The following ADAMTS13 variants were observed in gnomAD, a reference collection of about 807,000 sequenced individuals.
ADAMTS13 encodes A disintegrin and metalloproteinase with thrombospondin motifs 13.
A neutral mutation model predicts 155.1 loss-of-function variants in ADAMTS13; 110 were observed. The ratio of observed to expected loss-of-function variants is 0.71; its 90% CI spans 0.61 to 0.83. ADAMTS13 has a LOEUF of 0.83. ADAMTS13 is among the 40% of genes least tolerant of loss of function. ADAMTS13 has a pLI of 0.00. For synonymous variants in ADAMTS13, 758 were observed against 756.4 expected, an observed-to-expected ratio of 1.00 and a Z score of -0.03; for missense variants, 1,707 against 1,891.7, an observed-to-expected ratio of 0.90 and a Z score of 1.81.
At chr9:133,418,118 G>C (rs1554782186), upstream of ADAMTS13, 5 of 497,824 alleles carry the variant, frequency 1.0e-5, no homozygotes, top group Non-Finnish European at 1.8e-5. Context: ...TCACCCGCAC[G>C]GGACTTGGGC....
chr9:133,435,395 G>A (rs1841108419), intron 11 of ADAMTS13, among the ~76,000 whole-genome samples: 2 of 151,664 alleles, frequency 1.3e-5, no homozygotes, highest in African/African-American at 4.8e-5. Flanking sequence ...CACCACGTCA[G>A]CCAGGATGGT....
At position 133,456,475 on chromosome 9, in the gene ADAMTS13, C is replaced by A; in HGVS notation, c.3548-68C>A. On this transcript the variant is annotated intron_variant, in intron 26 of 28. Coordinates refer to ENST00000355699, the MANE Select transcript of ADAMTS13 (RefSeq NM_139027.6). The surrounding 1 kb of genome is among the most constrained non-coding windows in gnomAD (Gnocchi z 4.4). ...TGGGACTTGAACTCGGCTCAGTCTA[C>A]CCTGGAGCCACTCCTCTGCTGACCA... 1 of 1,576,368 alleles carries A rather than the reference C, an allele frequency of 6.3e-7. No homozygotes were observed. Among genetic ancestry groups the A allele is most frequent in the East Asian group, 2.3e-5 (1 of 44,086 alleles).
At position 133,456,479 on chromosome 9, in the gene ADAMTS13, G is replaced by T. The variant is rs36222898; in HGVS notation, c.3548-64G>T. The stretch of plus-strand genomic sequence containing the variant: ...ACTTGAACTCGGCTCAGTCTACCCT[G>T]GAGCCACTCCTCTGCTGACCAGGCG... On this transcript the variant is annotated intron_variant, in intron 26 of 28. Transcript: ENST00000355699. The surrounding 1 kb of genome is among the most constrained non-coding windows in gnomAD (Gnocchi z 4.4). 4.4e-4 allele frequency: 699 copies of T among 1,581,970 alleles called. 6 individuals carry two copies. In the African/African-American group the frequency reaches 8.3e-3, roughly 19 times the overall value.
In ADAMTS13 at chr9:133,432,645, C is replaced by A. The variant is rs281875288; in HGVS notation, c.1045C>A (p.Arg349Ser). Residue 349 changes from arginine to serine, a missense_variant, in exon 9 of 29, where the codon CGC becomes AGC. Coordinates refer to ENST00000355699, the MANE Select transcript of ADAMTS13 (RefSeq NM_139027.6). ...TDPLDQSSCS[R>S]LLVPLLDGTE... ...CCCGCTGGACCAAAGCAGCTGCAGC[C>A]GCCTCCTCGTTCCTCTCCTGGATGG... 3.8e-6 allele frequency: 6 copies of A among 1,559,654 alleles called. No individual in the cohort carries two copies. The highest frequency in any genetic ancestry group is 5.2e-6 in the Non-Finnish European group (6 of 1,151,168).
Position 133,433,534 on chromosome 9 carries a change from C to T in ADAMTS13, c.1244+5C>T, listed in dbSNP as rs781862532. The T allele has an allele frequency of 1.5e-5, 24 of 1,613,512 alleles. No homozygotes were observed. Among genetic ancestry groups the T allele is most frequent in the East Asian group, 4.5e-5 (2 of 44,892 alleles). On this transcript the variant is annotated splice_donor_5th_base_variant and intron_variant, in intron 10 of 28. Transcript: ENST00000355699. The stretch of plus-strand genomic sequence containing the variant: ...GCGGCAGTGCAACAACCCCAGGTAC[C>T]GCAGGGAGGGTGCTTTTCTGTCAGG...
At chr9:133,420,335 G>A (rs1351100202), upstream of ADAMTS13, among the ~76,000 whole-genome samples, 12 of 152,216 alleles carry the variant, frequency 7.9e-5, no homozygotes, top group East Asian at 3.8e-4. Context: ...GATTAAAGGC[G>A]TGAGCCACCA....
In ADAMTS13 at chr9:133,436,962, C is replaced by A. The variant is rs972315303; in HGVS notation, c.1435+7C>A. On this transcript the variant is annotated splice_region_variant and intron_variant, in intron 12 of 28. Coordinates refer to ENST00000355699, the MANE Select transcript of ADAMTS13 (RefSeq NM_139027.6). The stretch of plus-strand genomic sequence containing the variant: ...GCTGTACCACACAGCCAAGGTGGGG[C>A]CTGCGGAGTGTGGGGTTGGGGGAGG... 5 of 1,595,856 alleles carry A rather than the reference C, an allele frequency of 3.1e-6. No homozygotes were observed. The Admixed American group carries it at 5.3e-5, about 17-fold the overall frequency.
At position 133,459,128 on chromosome 9, in the gene ADAMTS13, G is replaced by A. The variant is rs1842939139; in HGVS notation, c.4064G>A (p.Trp1355Ter). The change falls in exon 29 of 29, where the codon TGG becomes TAG. Residue 1355 changes from tryptophan to a stop codon, truncating the protein, a stop_gained. Transcript: ENST00000355699. LOFTEE classifies it low-confidence loss of function (END_TRUNC). ...GGCCAGTACTGGACCCTCCAATCAT[G>A]GGTACCGGAGATGCAGGACCCTCAG... ...LRGQYWTLQSWVPEMQDPQSW... is the reference protein window; with the variant it reads ...LRGQYWTLQS 6.2e-7 allele frequency: 1 copy of A among 1,612,682 alleles called. No homozygotes were observed. The highest frequency in any genetic ancestry group is 1.3e-5 in the African/African-American group (1 of 74,890).
At position 133,438,469 on chromosome 9, in the gene ADAMTS13, ACACT is replaced by A. The variant is rs927257961; in HGVS notation, c.1705+110_1705+113del. Reference sequence around the variant, plus strand: ...GGGCTGCTCAGGTCACAGGGCCTGCACACTCACTCAGCCCTGGATGCCTCCTGTG... The same window carrying A: ...GGGCTGCTCAGGTCACAGGGCCTGCACACTCAGCCCTGGATGCCTCCTGTG... On this transcript the variant is annotated intron_variant, in intron 14 of 28. Transcript: ENST00000355699. 4.8e-5 allele frequency: 74 copies of A among 1,528,724 alleles called. No homozygotes were observed. The East Asian group carries it at 1.0e-3, about 21-fold the overall frequency. The allele number at this position is 1,528,724 out of a possible 1,614,324, so 94.7% of individuals were successfully genotyped here. A position where few individuals can be genotyped will look rare whatever the true frequency, so the allele number is the denominator to read the frequency against.
chr9:133,422,663 C>G, intron 1 of ADAMTS13, 115 bp downstream of exon 1: 1 of 1,044,872 alleles, frequency 9.6e-7, no homozygotes, highest in Non-Finnish European at 1.4e-6. Context: ...GGGGTTTGCG[C>G]TGGGCAGGGG....
chr9:133,455,531 G>A, intron 25 of ADAMTS13, 96 bp downstream of exon 25: 1 of 1,611,022 alleles, frequency 6.2e-7, no homozygotes, highest in South Asian at 1.1e-5. Context: ...CCAGGCCCGG[G>A]GCCTGCTCTT....
At chr9:133,427,240 T>C (rs1035785729) in intron 6 of ADAMTS13, among the ~76,000 whole-genome samples, 8 of 152,238 alleles carry the variant, frequency 5.3e-5, no homozygotes, top group Non-Finnish European at 7.3e-5. Flanking sequence ...ATGTCTAGGT[T>C]GTCTGAACAC....
intron 19 of ADAMTS13, 56 bp from the exon 20 acceptor site, chr9:133,444,807 T>C (rs1034027701): frequency 6.3e-7 from 1 of 1,586,296 alleles, no homozygotes; most frequent in Non-Finnish European, 8.6e-7. Flanking sequence ...AGCTGGGCTA[T>C]ACCTTCCCCT....
intron 23 of ADAMTS13, among the ~76,000 whole-genome samples, chr9:133,450,320 G>A (rs1842356977): frequency 6.6e-6 from 1 of 152,022 alleles, no homozygotes; most frequent in Non-Finnish European, 1.5e-5. Flanking sequence ...TGTAATCCCA[G>A]CACTTTGGGA....
At chr9:133,422,089 T>G (rs897475629), upstream of ADAMTS13, 1 of 303,604 alleles carries the variant, frequency 3.3e-6, no homozygotes, top group African/African-American at 2.2e-5. Flanking sequence ...GCATTCCTTG[T>G]GAACCCCCGT....
chr9:133,417,998 A>G (rs781854687), upstream of ADAMTS13: 5 of 681,670 alleles, frequency 7.3e-6, no homozygotes, highest in Non-Finnish European at 1.2e-5. Flanking sequence ...GAGACCCCGC[A>G]CGCGTTGCGC....
chr9:133,454,149 GGT>G (rs1554794991), intron 23 of ADAMTS13, among the ~76,000 whole-genome samples: 1 of 152,106 alleles, frequency 6.6e-6, no homozygotes, highest in East Asian at 1.9e-4. Flanking sequence ...GGTGCTGACA[GGT>G]GTTCTGTGAT....
rs940819090 is a variant in ADAMTS13 at position 133,436,796 on chromosome 9, C to T, written c.1309-33C>T. 19 of 970,402 alleles carry T rather than the reference C, an allele frequency of 2.0e-5. No homozygotes were observed. In the East Asian group the frequency reaches 2.5e-4, roughly 13 times the overall value. 60.1% of individuals were successfully genotyped at this position (970,402 alleles called of 1,614,324 possible). A position where few individuals can be genotyped will look rare whatever the true frequency, so the allele number is the denominator to read the frequency against. The stretch of plus-strand genomic sequence containing the variant: ...TGACAACACCCGCCCCCCGCCCCAC[C>T]GCCATCCCCCTCCTCTGCCTCCTCC... On this transcript the variant is annotated intron_variant, in intron 11 of 28. Transcript: ENST00000355699.
chr9:133,426,074 T>C lies in ADAMTS13; in HGVS notation c.539+12T>C. The C allele has an allele frequency of 6.2e-7, 1 of 1,613,914 alleles. No homozygotes were observed. Among genetic ancestry groups the C allele is most frequent in the South Asian group, 1.1e-5 (1 of 91,078 alleles). ...CTCTATATCACTAGGTAGCCGAGCT[T>C]TCTGATGGGTGCTGGCCAGCCAGCC... On this transcript the variant is annotated intron_variant, in intron 5 of 28. Coordinates refer to ENST00000355699, the MANE Select transcript of ADAMTS13 (RefSeq NM_139027.6).
Sources: gnomAD v4.1 joint callset for allele counts (sites outside exome capture counted in the v4.1 genomes callset) on GRCh38, gnomAD v4.1.1 for gene constraint, Gnocchi (gnomAD v3.1) non-coding constraint, MANE v1.5 for transcripts, NCBI Gene and HGNC (gene_info 2026-07-23, HGNC 2026-07-21) for gene names.